The following ACSF2 variants were observed in gnomAD, a reference collection of about 807,000 sequenced individuals.
The protein encoded by ACSF2 is acyl-CoA synthetase family member 2, also known as medium-chain acyl-CoA ligase ACSF2, mitochondrial.
A neutral mutation model predicts 79.3 loss-of-function variants in ACSF2; 52 were observed. That is an observed-to-expected ratio of 0.66 (90% CI 0.53 to 0.83). The LOEUF (loss-of-function observed/expected upper bound fraction) is 0.83, where lower values mean the gene tolerates loss of function less well. Among genes scored for constraint, ACSF2 ranks in the 40% least tolerant of loss-of-function variants. The pLI is 0.00. For synonymous variants in ACSF2, 283 were observed against 312.6 expected (o/e 0.91, Z 1.00); for missense variants, 661 against 803.3 (o/e 0.82, Z 2.14).
chr17:50,439,985 T>C (rs1031951394), intron 1 of ACSF2, among the ~76,000 whole-genome samples: 3 of 152,198 alleles, frequency 2.0e-5, no homozygotes, highest in African/African-American at 4.8e-5. Flanking sequence ...TTTGTCCTTA[T>C]TGATTTGTGT....
chr17:50,474,353 G>A lies in ACSF2; in HGVS notation c.1797+86G>A. 6.5e-7 allele frequency: 1 copy of A among 1,543,672 alleles called. No homozygotes were observed. The highest frequency in any genetic ancestry group is 8.9e-7 in the Non-Finnish European group (1 of 1,118,346). The stretch of plus-strand genomic sequence containing the variant: ...ACCTCTGTTTCCTTCAGCAATGGGT[G>A]TGGAGAGACTGGCAGTAGGGTGACC... On this transcript the variant is annotated intron_variant, in intron 15 of 15. Coordinates refer to ENST00000300441, the MANE Select transcript of ACSF2 (RefSeq NM_025149.6). This position sits in a 1 kb window ranked among gnomAD's most constrained non-coding sequence, Gnocchi z 4.2.
rs544648649 is a variant in ACSF2, at chr17:50,467,011, T to C, written c.1215+2717T>C. 2.8e-3 allele frequency among the ~76,000 whole-genome samples: 424 copies of C among 152,292 alleles called. 5 individuals are homozygous for C. Among genetic ancestry groups the C allele is most frequent in the Non-Finnish European group, 2.2e-3 (151 of 68,026 alleles). Reference sequence around the variant, plus strand: ...TGCCCACATCTCCACACCCGCACCCTTTCCTGTGGCCCACATTGAGGTATG... The same window carrying C: ...TGCCCACATCTCCACACCCGCACCCCTTCCTGTGGCCCACATTGAGGTATG... On this transcript the variant is annotated intron_variant, in intron 10 of 15. Transcript: ENST00000300441.
intron 1 of ACSF2, chr17:50,427,124 G>C (rs1915065284): frequency 1.2e-6 from 1 of 827,234 alleles, no homozygotes; most frequent in Non-Finnish European, 1.9e-6. Context: ...GGGGAGCCCT[G>C]TGCACTACTG....
At chr17:50,462,713 TCCTCTCTGC>T in intron 6 of ACSF2, 128 bp downstream of exon 6, 1 of 1,121,208 alleles carries the variant, frequency 8.9e-7, no homozygotes, top group South Asian at 1.6e-5. Flanking sequence ...CCTTCAGCTG[TCCTCTCTGC>T]CCTGGAAAAT....
In ACSF2 at chr17:50,471,563, C is replaced by A; in HGVS notation, c.1323+428C>A. On this transcript the variant is annotated intron_variant, in intron 11 of 15. Coordinates refer to ENST00000300441, the MANE Select transcript of ACSF2 (RefSeq NM_025149.6). This position sits in a 1 kb window ranked among gnomAD's most constrained non-coding sequence, Gnocchi z 4.1. Reference sequence around the variant, plus strand: ...GTAAACACTTCATTTCCCAAGCAGCCTATCCCTTTGGGGCGGTCCCTTTGC... The same window carrying A: ...GTAAACACTTCATTTCCCAAGCAGCATATCCCTTTGGGGCGGTCCCTTTGC... The A allele has an allele frequency of 4.9e-6, 1 of 206,030 alleles. No homozygotes were observed. The highest frequency in any genetic ancestry group is 1.0e-5 in the Non-Finnish European group (1 of 99,204). 12.8% of individuals were successfully genotyped at this position (206,030 alleles called of 1,614,324 possible).
rs754565067 is a variant in ACSF2, at chr17:50,468,342, T to C, written c.1216-2686T>C. The C allele has an allele frequency of 5.0e-5, 80 of 1,613,286 alleles. No individual in the cohort carries two copies. The highest frequency in any genetic ancestry group is 6.6e-5 in the Non-Finnish European group (78 of 1,179,682). ...GCGCCTGCGCGCAGCTCACGGATCT[T>C]GTTGTTGTTGAGCTGCAAGATGAAG... is the stretch of plus-strand genomic sequence containing the variant. On this transcript the variant is annotated intron_variant, in intron 10 of 15. Coordinates refer to ENST00000300441, the MANE Select transcript of ACSF2 (RefSeq NM_025149.6).
At chr17:50,442,713 C>A (rs2031022308) in intron 1 of ACSF2, among the ~76,000 whole-genome samples, 1 of 152,116 alleles carries the variant, frequency 6.6e-6, no homozygotes, top group Non-Finnish European at 1.5e-5. Context: ...GATTTTCCTG[C>A]CTTGGCATCC....
Position 50,465,691 on chromosome 17 carries a change from A to G in ACSF2, c.1215+1397A>G, listed in dbSNP as rs539978763. ...CATGAGGGTGGGCTCTGGGAGTGAC[A>G]TGGAAGTGTTCTTACCGCCGAAGGC... On this transcript the variant is annotated intron_variant, in intron 10 of 15. Coordinates refer to ENST00000300441, the MANE Select transcript of ACSF2 (RefSeq NM_025149.6). The G allele has an allele frequency of 2.2e-4, 349 of 1,612,920 alleles. 5 individuals are homozygous for G. In the Admixed American group the frequency reaches 5.8e-3, roughly 27 times the overall value.
At chr17:50,439,200 A>C (rs1171473815) in intron 1 of ACSF2, among the ~76,000 whole-genome samples, 1 of 143,840 alleles carries the variant, frequency 7.0e-6, no homozygotes, top group African/African-American at 2.6e-5. Context: ...CCTCCCGAGC[A>C]GCTGGAACGA....
chr17:50,441,344 T>C (rs2030898980), intron 1 of ACSF2, among the ~76,000 whole-genome samples: 1 of 152,122 alleles, frequency 6.6e-6, no homozygotes, highest in Non-Finnish European at 1.5e-5. Flanking sequence ...CTAAATTTTT[T>C]TGGTGTTTTT....
Position 50,471,362 on chromosome 17 carries a change from T to A in ACSF2, c.1323+227T>A. 1.9e-6 allele frequency: 1 copy of A among 532,080 alleles called. No homozygotes were observed. The allele number at this position is 532,080 out of a possible 1,614,324, so 33.0% of individuals were successfully genotyped here. A position where few individuals can be genotyped will look rare whatever the true frequency, so the allele number is the denominator to read the frequency against. ...GGCTGTGAGCGGCTGCCAGCTGAAC[T>A]TCTCCGCGGCCTCCCTTCCTGTCTG... On this transcript the variant is annotated intron_variant, in intron 11 of 15. Transcript: ENST00000300441. This position sits in a 1 kb window ranked among gnomAD's most constrained non-coding sequence, Gnocchi z 4.1.
intron 10 of ACSF2, chr17:50,468,783 CGA>C: frequency 6.4e-7 from 1 of 1,566,894 alleles, no homozygotes; most frequent in Non-Finnish European, 8.6e-7. Context: ...GCCAGGAGGC[CGA>C]GGCTGAGCAA....
chr17:50,439,567 T>C (rs1232421802), intron 1 of ACSF2, among the ~76,000 whole-genome samples: 1 of 152,212 alleles, frequency 6.6e-6, no homozygotes, highest in Non-Finnish European at 1.5e-5. Context: ...ATTGCTGTGC[T>C]GAAGAGTTCT....
At chr17:50,465,713 A>C (rs1567859371) in intron 10 of ACSF2, 1 of 1,613,526 alleles carries the variant, frequency 6.2e-7, no homozygotes, top group Non-Finnish European at 8.5e-7. Context: ...TTACCGCCGA[A>C]GGCCCCGGAG....
Position 50,469,054 on chromosome 17 carries a change from C to T in ACSF2, c.1216-1974C>T. 5.4e-6 allele frequency: 7 copies of T among 1,303,062 alleles called. No homozygotes were observed. The South Asian group carries it at 1.3e-4, about 24-fold the overall frequency. 80.7% of individuals were successfully genotyped at this position (1,303,062 alleles called of 1,614,324 possible). On this transcript the variant is annotated intron_variant, in intron 10 of 15. Coordinates refer to ENST00000300441, the MANE Select transcript of ACSF2 (RefSeq NM_025149.6). ...GCCGTTCCCCCAGCCGGCTACCGTG[C>T]ATGAGGGGGTGGGACCGTGGCCCCC...
rs746622866 is a variant in ACSF2, at chr17:50,463,798, C to T, written c.1047-20C>T. On this transcript the variant is annotated intron_variant, in intron 8 of 15. Coordinates refer to ENST00000300441, the MANE Select transcript of ACSF2 (RefSeq NM_025149.6). This position sits in a 1 kb window ranked among gnomAD's most constrained non-coding sequence, Gnocchi z 4.6. ...TCCCTTCCACTTCCAAGCCTAATTTCGAGACCTCCTCCTATACAGAGGCAC... is the reference window on the plus strand; with the variant it reads ...TCCCTTCCACTTCCAAGCCTAATTTTGAGACCTCCTCCTATACAGAGGCAC... 1.1e-5 allele frequency: 18 copies of T among 1,610,026 alleles called. No individual in the cohort carries two copies. The Admixed American group carries it at 1.2e-4, about 10-fold the overall frequency.
At chr17:50,465,487 T>TG (rs1221094944) in intron 10 of ACSF2, 1 of 1,605,748 alleles carries the variant, frequency 6.2e-7, no homozygotes, top group Non-Finnish European at 8.5e-7. Flanking sequence ...GTGGGAGTGC[T>TG]GGGGGGAAGG....
At chr17:50,461,588 C>T (rs376597454) in intron 3 of ACSF2, 45 bp from the exon 4 acceptor site, 10 of 1,613,344 alleles carry the variant, frequency 6.2e-6, no homozygotes, top group Non-Finnish European at 8.5e-6. Context: ...GCAGGAGGGA[C>T]AGGGTCTGCC....
intron 1 of ACSF2, among the ~76,000 whole-genome samples, chr17:50,458,844 G>A (rs1325612928): frequency 6.6e-6 from 1 of 152,220 alleles, no homozygotes; most frequent in East Asian, 1.9e-4. Context: ...CAGACAATGG[G>A]CCTCAGATGG....
Sources: gnomAD v4.1 joint callset for allele counts (sites outside exome capture counted in the v4.1 genomes callset) on GRCh38, gnomAD v4.1.1 for gene constraint, Gnocchi (gnomAD v3.1) non-coding constraint, MANE v1.5 for transcripts, NCBI Gene and HGNC (gene_info 2026-07-23, HGNC 2026-07-21) for gene names.